Variants in ALKBH3 observed in about 807,000 individuals in gnomAD.
ALKBH3 encodes the protein alpha-ketoglutarate-dependent dioxygenase alkB homolog 3.
ALKBH3 carries 51 observed loss-of-function variants against 43.9 expected under a neutral mutation model. That is an observed-to-expected ratio of 1.16 (90% CI 0.93 to 1.47). The LOEUF is 1.47. ALKBH3 is among the 40% of genes most tolerant of loss of function. The pLI is 0.00. For synonymous variants in ALKBH3, 102 were observed against 115.2 expected, an observed-to-expected ratio of 0.89 and a Z score of 0.73; for missense variants, 361 against 351.9, an observed-to-expected ratio of 1.03 and a Z score of -0.21.
chr11:43,895,320 C>T (rs1390694962), intron 7 of ALKBH3, among the ~76,000 whole-genome samples: 1 of 152,190 alleles, frequency 6.6e-6, no homozygotes, highest in Non-Finnish European at 1.5e-5. Flanking sequence ...GGCATTTTCC[C>T]CCTTACTGTT....
intron 7 of ALKBH3, among the ~76,000 whole-genome samples, chr11:43,900,457 C>T (rs538655879): frequency 1.3e-5 from 2 of 152,106 alleles, no homozygotes; most frequent in Admixed American, 6.5e-5. Flanking sequence ...CTCCCGACCT[C>T]GTGATCCACC....
intron 5 of ALKBH3, among the ~76,000 whole-genome samples, chr11:43,888,886 T>C (rs1359424561): frequency 6.6e-6 from 1 of 152,256 alleles, no homozygotes; most frequent in Non-Finnish European, 1.5e-5. Flanking sequence ...TAAACACATA[T>C]TCAGTGGGAG....
At chr11:43,897,957 C>A in intron 7 of ALKBH3, 1 of 785,960 alleles carries the variant, frequency 1.3e-6, no homozygotes, top group Non-Finnish European at 2.4e-6. Context: ...GAGGCATAAC[C>A]TTTGTGCCCC....
intron 1 of ALKBH3, among the ~76,000 whole-genome samples, chr11:43,882,035 T>A (rs962643368): frequency 6.6e-6 from 1 of 152,198 alleles, no homozygotes; most frequent in Admixed American, 6.5e-5. Context: ...TTTGGGTGCA[T>A]CATTGAACTT....
At chr11:43,898,454 G>A (rs1278290123) in intron 7 of ALKBH3, 9 of 861,986 alleles carry the variant, frequency 1.0e-5, no homozygotes, top group East Asian at 2.5e-5. Flanking sequence ...TGGCCCCTCT[G>A]TATGCTCAGG....
intron 7 of ALKBH3, chr11:43,898,384 G>A (rs549528783): frequency 1.1e-5 from 8 of 697,224 alleles, no homozygotes; most frequent in South Asian, 4.9e-5. Flanking sequence ...TACCTGGGCC[G>A]TTCCACAGGT....
intron 6 of ALKBH3, 46 bp downstream of exon 6, chr11:43,889,874 CT>C: frequency 1.3e-6 from 2 of 1,486,958 alleles, no homozygotes; most frequent in Non-Finnish European, 1.9e-6. Context: ...TGTTCTCCCT[CT>C]CTGGAATGTT....
intron 6 of ALKBH3, among the ~76,000 whole-genome samples, chr11:43,890,896 A>G (rs1951779207): frequency 1.3e-5 from 2 of 152,204 alleles, no homozygotes; most frequent in Admixed American, 6.5e-5. Flanking sequence ...TAGTATGTGC[A>G]TATAACCTAT....
chr11:43,897,481 T>C, intron 7 of ALKBH3: 1 of 747,528 alleles, frequency 1.3e-6, no homozygotes, highest in South Asian at 1.4e-5. Flanking sequence ...CAGTCACCAG[T>C]GAGGGTATAC....
At chr11:43,899,436 T>G in intron 7 of ALKBH3, 1 of 704,410 alleles carries the variant, frequency 1.4e-6, no homozygotes, top group South Asian at 1.4e-5. Flanking sequence ...TACGCCAAAG[T>G]GATAGGCTCC....
intron 7 of ALKBH3, among the ~76,000 whole-genome samples, chr11:43,892,906 G>A (rs1206065585): frequency 3.9e-5 from 6 of 152,204 alleles, no homozygotes; most frequent in Admixed American, 1.3e-4. Context: ...ATTGACTGAG[G>A]GAACATGGCC....
At chr11:43,882,859 T>A in intron 2 of ALKBH3, 128 bp downstream of exon 2, 1 of 1,151,116 alleles carries the variant, frequency 8.7e-7, no homozygotes, top group Non-Finnish European at 1.2e-6. Flanking sequence ...AAAATGTGGC[T>A]GATATTTTGT....
intron 8 of ALKBH3, among the ~76,000 whole-genome samples, chr11:43,915,026 TG>T (rs1951972244): frequency 6.6e-6 from 1 of 151,646 alleles, no homozygotes; most frequent in Non-Finnish European, 1.5e-5. Flanking sequence ...GCCAACATGG[TG>T]AAACCCTATC....
intron 7 of ALKBH3, among the ~76,000 whole-genome samples, chr11:43,895,456 G>A (rs2135186033): frequency 6.6e-6 from 1 of 152,284 alleles, no homozygotes; most frequent in South Asian, 2.1e-4. Flanking sequence ...TGCCTTGATT[G>A]TGAGGCCTCC....
intron 7 of ALKBH3, chr11:43,898,485 C>T (rs928667047): frequency 2.9e-5 from 28 of 949,296 alleles, no homozygotes; most frequent in Admixed American, 1.7e-4. Context: ...TGGACACCAA[C>T]GGCTTGGTGA....
chr11:43,890,018 G>A (rs566787876), intron 6 of ALKBH3, among the ~76,000 whole-genome samples, 190 bp downstream of exon 6: 1 of 152,136 alleles, frequency 6.6e-6, no homozygotes, highest in East Asian at 1.9e-4. Context: ...CAGGTGGAAG[G>A]CCCAGAGATC....
At chr11:43,888,089 G>A (rs1951758967) in intron 5 of ALKBH3, among the ~76,000 whole-genome samples, 1 of 23,760 alleles carries the variant, frequency 4.2e-5, no homozygotes, top group South Asian at 1.0e-3. Context: ...GAGCCACTGC[G>A]CCTGGCAGTC....
At chr11:43,892,015 T>C in intron 6 of ALKBH3, 26 bp from the exon 7 acceptor site, 1 of 1,571,998 alleles carries the variant, frequency 6.4e-7, no homozygotes, top group Admixed American at 1.7e-5. Flanking sequence ...TTAAACCATT[T>C]CAAAGGCCTG....
intron 6 of ALKBH3, 21 bp downstream of exon 6, chr11:43,889,849 A>G (rs779698624): frequency 3.2e-6 from 5 of 1,584,710 alleles, no homozygotes; most frequent in Non-Finnish European, 4.3e-6. Flanking sequence ...CCCAGAGGTC[A>G]CAGTTGGTGC....
Sources: allele counts gnomAD v4.1 joint callset (sites outside exome capture counted in the v4.1 genomes callset), GRCh38; gene constraint gnomAD v4.1.1; transcripts MANE v1.5; gene names NCBI Gene and HGNC (gene_info 2026-07-23, HGNC 2026-07-21).